Variants in EIF4G3 observed in about 807,000 individuals in gnomAD.
EIF4G3 encodes eIF-4-gamma 3.
Under a neutral mutation model 186.4 loss-of-function variants are expected in EIF4G3, and 34 were observed. That is an observed-to-expected ratio of 0.18 (90% CI 0.14 to 0.24). The LOEUF (loss-of-function observed/expected upper bound fraction) is 0.24, where lower values mean the gene tolerates loss of function less well. Ranked by LOEUF, EIF4G3 falls within the 10% of genes least tolerant of loss-of-function variation. EIF4G3 has a pLI of 1.00. For synonymous variants in EIF4G3, 673 were observed against 679.5 expected, an observed-to-expected ratio of 0.99 and a Z score of 0.15; for missense variants, 1,536 against 1,948.5, an observed-to-expected ratio of 0.79 and a Z score of 3.99.
intron 2 of EIF4G3, among the ~76,000 whole-genome samples, chr1:21,099,498 A>T (rs1300682240): frequency 6.6e-6 from 1 of 152,226 alleles, no homozygotes; most frequent in East Asian, 1.9e-4. Flanking sequence ...TATTTTAAGT[A>T]AAAGAAGCTA....
intron 18 of EIF4G3, among the ~76,000 whole-genome samples, chr1:20,889,206 T>G (rs1400369158): frequency 6.6e-6 from 1 of 152,214 alleles, no homozygotes; most frequent in Non-Finnish European, 1.5e-5. Context: ...GACTGTAATC[T>G]TAAATTCCAC....
rs71014156 is a variant in EIF4G3 at position 21,117,736 on chromosome 1, T to TAAAAAAAAAAAAAAAAAAAAAAA, written c.-271-28546_-271-28524dup. ...GGCCTTTCACTGTCCCAGTATATAG[T>TAAAAAAAAAAAAAAAAAAAAAAA]AAAAAAAAAAAAAAAAAAAAAAAAA... On this transcript the variant is annotated intron_variant, in intron 2 of 36. Transcript: ENST00000602326. Among the ~76,000 whole-genome samples the TAAAAAAAAAAAAAAAAAAAAAAA allele has an allele frequency of 2.1e-3, 156 of 73,060 alleles. 5 individuals carry two copies. Among genetic ancestry groups the TAAAAAAAAAAAAAAAAAAAAAAA allele is most frequent in the Middle Eastern group, 8.9e-3 (1 of 112 alleles). 47.9% of individuals were successfully genotyped at this position (73,060 alleles called of 152,430 possible).
intron 2 of EIF4G3, among the ~76,000 whole-genome samples, chr1:21,171,615 T>C (rs1005327422): frequency 6.6e-6 from 1 of 152,174 alleles, no homozygotes. Flanking sequence ...TCACTTACCA[T>C]CAGACAAAGA....
intron 3 of EIF4G3, among the ~76,000 whole-genome samples, chr1:21,053,834 CGGGA>C (rs1194272430): frequency 6.9e-6 from 1 of 144,200 alleles, no homozygotes; most frequent in African/African-American, 2.6e-5. Flanking sequence ...CCGCCCCATC[CGGGA>C]GGGAGGTGGG....
At chr1:20,868,160 C>CTGGACACT (rs1209984448) in intron 20 of EIF4G3, among the ~76,000 whole-genome samples, 3 of 124,746 alleles carry the variant, frequency 2.4e-5, no homozygotes, top group Non-Finnish European at 4.7e-5. Context: ...TTGTTGTCTG[C>CTGGACACT]TGGACACTGG....
At position 20,941,804 on chromosome 1, in the gene EIF4G3, T is replaced by C. The variant is rs775969807; in HGVS notation, c.1350A>G (p.Pro450=). 9 of 1,613,656 alleles carry C rather than the reference T, an allele frequency of 5.6e-6. No homozygotes were observed. Among genetic ancestry groups the C allele is most frequent in the Admixed American group, 5.0e-5 (3 of 59,948 alleles). The part of the protein sequence containing the change: ...TLELEILENP[P]EEMKLECIPA... The stretch of plus-strand genomic sequence containing the variant: ...GGATACACTCCAGTTTCATTTCTTC[T>C]GGGGGATTTTCGAGAATCTCCAATT... Residue 450 remains proline (P), a synonymous_variant, in exon 14 of 37, where the codon CCA becomes CCG. Coordinates refer to ENST00000602326, the MANE Select transcript of EIF4G3 (RefSeq NM_001391906.1).
At chr1:21,086,216 T>TC (rs1446296107) in intron 3 of EIF4G3, among the ~76,000 whole-genome samples, 1 of 148,070 alleles carries the variant, frequency 6.8e-6, no homozygotes, top group African/African-American at 2.5e-5. Context: ...TTTTTTTTTT[T>TC]TTTTTGAGGG....
chr1:21,036,290 TC>T lies in EIF4G3; in HGVS notation c.-67+14575del, dbSNP rs1296637749. 2.0e-5 allele frequency among the ~76,000 whole-genome samples: 3 copies of T among 152,100 alleles called. No homozygotes were observed. In the East Asian group the frequency reaches 5.8e-4, roughly 29 times the overall value. On this transcript the variant is annotated intron_variant, in intron 4 of 36. Coordinates refer to ENST00000602326, the MANE Select transcript of EIF4G3 (RefSeq NM_001391906.1). ...AGAGAGGAACTGCCCACTGCAGGTC[TC>T]CTCTGAGCTGCTCTGACACTCAGTA...
chr1:21,007,338 C>A (rs1570832261), intron 4 of EIF4G3, among the ~76,000 whole-genome samples: 1 of 151,968 alleles, frequency 6.6e-6, no homozygotes, highest in East Asian at 1.9e-4. Flanking sequence ...GCAGAGGTTG[C>A]AGTGAAACAA....
chr1:21,116,922 T>G (rs1456851743), intron 2 of EIF4G3, among the ~76,000 whole-genome samples: 1 of 151,726 alleles, frequency 6.6e-6, no homozygotes, highest in Non-Finnish European at 1.5e-5. Flanking sequence ...ATTTTCCATA[T>G]GCATTAAACA....
At chr1:20,835,420 G>GA (rs2066459041) in intron 30 of EIF4G3, among the ~76,000 whole-genome samples, 1 of 151,646 alleles carries the variant, frequency 6.6e-6, no homozygotes. Context: ...AAAAATGAAA[G>GA]AAAAAAATCA....
At chr1:20,841,992 G>T (rs2068779954) in intron 29 of EIF4G3, among the ~76,000 whole-genome samples, 1 of 151,326 alleles carries the variant, frequency 6.6e-6, no homozygotes, top group Admixed American at 6.6e-5. Context: ...TTTCCTCCCT[G>T]CTCCTTTATT....
chr1:20,901,500 T>C (rs905552434), intron 15 of EIF4G3, among the ~76,000 whole-genome samples: 1 of 152,088 alleles, frequency 6.6e-6, no homozygotes, highest in African/African-American at 2.4e-5. Context: ...ATGTGAAACT[T>C]TTTTTTAGAG....
chr1:21,095,927 G>A (rs1376840933), intron 2 of EIF4G3, among the ~76,000 whole-genome samples: 1 of 152,154 alleles, frequency 6.6e-6, no homozygotes, highest in African/African-American at 2.4e-5. Context: ...ATGCAAAAAT[G>A]AATGATACAC....
intron 2 of EIF4G3, among the ~76,000 whole-genome samples, chr1:21,164,692 T>C (rs1447833085): frequency 6.6e-6 from 1 of 152,128 alleles, no homozygotes; most frequent in Non-Finnish European, 1.5e-5. Flanking sequence ...AAATCCCGTC[T>C]CTACAAAAAA....
At chr1:21,048,474 T>C (rs71647180) in intron 4 of EIF4G3, among the ~76,000 whole-genome samples, 1 of 152,104 alleles carries the variant, frequency 6.6e-6, no homozygotes, top group African/African-American at 2.4e-5. Context: ...TGGTTCCTGG[T>C]TCCTGGTTGC....
chr1:20,904,907 T>G lies in EIF4G3; in HGVS notation c.1728A>C (p.Glu576Asp). The change falls in exon 15 of 37, where the codon GAA (glutamate) becomes GAC (aspartate). Residue 576 changes from glutamate (E) to aspartate (D), a missense_variant. Physicochemically the swap from Glu to Asp is conservative, Grantham distance 45. Transcript: ENST00000602326. ...CCTCCAATTCTGCCTCTAACATCTC[T>G]TCAGTGGTTCGGGTCCGATCTTTTG... ...KKPKDRTRTT[E>D]EMLEAELELK... 1 of 1,613,660 alleles carries G rather than the reference T, an allele frequency of 6.2e-7. No individual in the cohort carries two copies. The highest frequency in any genetic ancestry group is 8.5e-7 in the Non-Finnish European group (1 of 1,179,688).
chr1:20,910,102 G>T (rs2092953682), intron 14 of EIF4G3, among the ~76,000 whole-genome samples: 1 of 151,950 alleles, frequency 6.6e-6, no homozygotes, highest in South Asian at 2.1e-4. Flanking sequence ...GCTAAATTTT[G>T]ATTAAGTGGT....
intron 3 of EIF4G3, among the ~76,000 whole-genome samples, chr1:21,054,925 T>C (rs1056039150): frequency 2.6e-5 from 4 of 152,188 alleles, no homozygotes; most frequent in African/African-American, 9.6e-5. Context: ...CTTAAAATAA[T>C]TGTATCTAGT....
Sources: gnomAD v4.1 joint callset for allele counts (sites outside exome capture counted in the v4.1 genomes callset) on GRCh38, gnomAD v4.1.1 for gene constraint, MANE v1.5 for transcripts, NCBI Gene and HGNC (gene_info 2026-07-23, HGNC 2026-07-21) for gene names.